The following CHD9 variants were observed in gnomAD, a reference collection of about 807,000 sequenced individuals.
The protein encoded by CHD9 is chromodomain helicase DNA binding protein 9.
A neutral mutation model predicts 316.1 loss-of-function variants in CHD9; 77 were observed. That is an observed-to-expected ratio of 0.24 (90% CI 0.20 to 0.29). The LOEUF is 0.29. Among genes scored for constraint, CHD9 ranks in the 10% least tolerant of loss-of-function variants. The pLI is 1.00. For missense variants in CHD9, 2,763 were observed against 3,438.1 expected (o/e 0.80, Z 4.91); for synonymous variants, 1,129 against 1,158.3 (o/e 0.97, Z 0.51).
intron 36 of CHD9, among the ~76,000 whole-genome samples, chr16:53,317,636 G>A (rs1450946693): frequency 6.6e-6 from 1 of 152,126 alleles, no homozygotes; most frequent in Non-Finnish European, 1.5e-5. Flanking sequence ...TGGGACTGTA[G>A]GCGTACACCA....
In CHD9 at chr16:53,242,991, T is replaced by C. The variant is rs1597604209; in HGVS notation, c.3029T>C (p.Leu1010Ser). 4.3e-6 allele frequency: 7 copies of C among 1,610,322 alleles called. No homozygotes were observed. Among genetic ancestry groups the C allele is most frequent in the Non-Finnish European group, 5.9e-6 (7 of 1,177,606 alleles). ...HRLKNKNCKLLEGLKLMNLEH... is the reference protein window; with the variant it reads ...HRLKNKNCKLSEGLKLMNLEH... ...TTAAAAAATAAAAATTGTAAACTCT[T>C]AGAGGGCCTGAAACTCATGAATCTG... The change falls in exon 13 of 39, where the codon TTA becomes TCA. Residue 1010 changes from leucine (L) to serine (S), a missense_variant. Coordinates refer to ENST00000447540, the MANE Select transcript of CHD9 (RefSeq NM_001308319.2).
chr16:53,068,095 G>T (rs1236289832), intron 1 of CHD9, among the ~76,000 whole-genome samples: 1 of 152,068 alleles, frequency 6.6e-6, no homozygotes, highest in Non-Finnish European at 1.5e-5. Flanking sequence ...TGTAGGCCTG[G>T]ATTCCTACCC....
At chr16:53,208,752 A>G (rs2046089207) in intron 2 of CHD9, 1 of 973,342 alleles carries the variant, frequency 1.0e-6, no homozygotes, top group Non-Finnish European at 1.2e-6. Context: ...ATGTGGATGA[A>G]TGCGTGTTTG....
intron 2 of CHD9, among the ~76,000 whole-genome samples, chr16:53,188,959 C>A (rs1398122616): frequency 2.0e-5 from 3 of 151,792 alleles, no homozygotes; most frequent in African/African-American, 7.3e-5. Context: ...ATTTTTGTTA[C>A]TGATTTGTAG....
intron 2 of CHD9, among the ~76,000 whole-genome samples, chr16:53,164,199 GCCTCT>G (rs2042113440): frequency 6.6e-6 from 1 of 152,172 alleles, no homozygotes; most frequent in East Asian, 1.9e-4. Context: ...CAAAGACCAT[GCCTCT>G]CATGTTTTCT....
chr16:53,148,047 TA>T (rs957667611), intron 1 of CHD9, among the ~76,000 whole-genome samples: 1 of 148,452 alleles, frequency 6.7e-6, no homozygotes, highest in Admixed American at 6.7e-5. Flanking sequence ...CTACTAAAAA[TA>T]AAAAAAAAAT....
rs1259836408 is a variant in CHD9 at position 53,263,012 on chromosome 16, G to A, written c.4235G>A (p.Arg1412Gln). The change falls in exon 20 of 39, where the codon CGG becomes CAG. Residue 1412 changes from arginine (R) to glutamine (Q), a missense_variant. Around this residue, in one of 15 missense-constraint regions of CHD9, gnomAD observed 199 missense variants for 251.7 expected, o/e 0.79. Coordinates refer to ENST00000447540, the MANE Select transcript of CHD9 (RefSeq NM_001308319.2). Reference protein sequence around the residue: ...AKASFVASGNRTDISLDDPNF... With the variant: ...AKASFVASGNQTDISLDDPNF... The stretch of plus-strand genomic sequence containing the variant: ...GCGAGTTTTGTGGCATCTGGAAACC[G>A]GACAGATATTTCTTTAGATGATCCC... 4.3e-6 allele frequency: 7 copies of A among 1,612,362 alleles called. No homozygotes were observed. Among genetic ancestry groups the A allele is most frequent in the Admixed American group, 1.7e-5 (1 of 59,886 alleles).
In CHD9 at chr16:53,164,741, C is replaced by T. The variant is rs186342825; in HGVS notation, c.1452+7200C>T. Among the ~76,000 whole-genome samples the T allele has an allele frequency of 4.9e-3, 751 of 151,992 alleles. 8 individuals are homozygous for T. The highest frequency in any genetic ancestry group is 5.9e-3 in the Non-Finnish European group (401 of 67,988). On this transcript the variant is annotated intron_variant, in intron 2 of 38. Transcript: ENST00000447540. ...CAATCTCAGCTCATTGCAACCTCCA[C>T]CTCCTGGGTTCGAGTGATTCTTGTG...
chr16:53,073,583 T>A (rs1249159466), intron 1 of CHD9, among the ~76,000 whole-genome samples: 1 of 152,216 alleles, frequency 6.6e-6, no homozygotes, highest in African/African-American at 2.4e-5. Context: ...ATTCCCATAA[T>A]TCCCACCTGT....
chr16:53,308,977 G>A, intron 34 of CHD9, 123 bp downstream of exon 34: 1 of 667,036 alleles, frequency 1.5e-6, no homozygotes, highest in South Asian at 2.6e-5. Flanking sequence ...AGCCTATAAA[G>A]TAATCAATAG....
chr16:53,120,700 T>TA (rs960473256), intron 1 of CHD9, among the ~76,000 whole-genome samples: 3 of 152,092 alleles, frequency 2.0e-5, no homozygotes, highest in Admixed American at 1.3e-4. Flanking sequence ...GTATAAGTCA[T>TA]ACATGCTTTC....
In CHD9 at chr16:53,098,847, A is replaced by G. The variant is rs769703495; in HGVS notation, c.-165+43770A>G. Among the ~76,000 whole-genome samples the G allele has an allele frequency of 6.6e-5, 10 of 152,198 alleles. No individual in the cohort carries two copies. In the South Asian group the frequency reaches 1.2e-3, roughly 19 times the overall value. ...TTTCCAAACTGGGGTGCATCATTAG[A>G]TAAATGCAGAAATCAAGAACCGTCG... is the stretch of plus-strand genomic sequence containing the variant. On this transcript the variant is annotated intron_variant, in intron 1 of 38. Transcript: ENST00000447540.
chr16:53,101,137 T>G (rs564894974), intron 1 of CHD9, among the ~76,000 whole-genome samples: 24 of 152,288 alleles, frequency 1.6e-4, no homozygotes, highest in African/African-American at 5.5e-4. Context: ...ACATAGCTTG[T>G]TTACACATTA....
chr16:53,214,515 T>C (rs2046585731), intron 3 of CHD9, among the ~76,000 whole-genome samples: 1 of 151,046 alleles, frequency 6.6e-6, no homozygotes, highest in South Asian at 2.1e-4. Context: ...ATACCATTAG[T>C]AGTCTCCCTG....
chr16:53,089,539 A>T (rs894250065), intron 1 of CHD9, among the ~76,000 whole-genome samples: 1 of 152,218 alleles, frequency 6.6e-6, no homozygotes, highest in Non-Finnish European at 1.5e-5. Context: ...ATTTTTACAG[A>T]TGAGGAAATC....
chr16:53,091,832 C>T (rs1267035448), intron 1 of CHD9, among the ~76,000 whole-genome samples: 1 of 152,076 alleles, frequency 6.6e-6, no homozygotes, highest in Non-Finnish European at 1.5e-5. Flanking sequence ...CCCTCCCTTC[C>T]TTCTCTCCTT....
intron 1 of CHD9, among the ~76,000 whole-genome samples, chr16:53,088,922 G>A (rs2035700218): frequency 6.6e-6 from 1 of 151,622 alleles, no homozygotes; most frequent in South Asian, 2.1e-4. Context: ...TACCAGCCTG[G>A]CCAATATGGT....
chr16:53,259,140 T>TA (rs896165106), intron 19 of CHD9, among the ~76,000 whole-genome samples: 3 of 152,226 alleles, frequency 2.0e-5, no homozygotes, highest in Non-Finnish European at 4.4e-5. Flanking sequence ...CTTATTTCTA[T>TA]AGGCATAATT....
intron 1 of CHD9, among the ~76,000 whole-genome samples, chr16:53,076,848 T>A (rs1212342476): frequency 1.3e-5 from 2 of 152,104 alleles, no homozygotes; most frequent in African/African-American, 4.8e-5. Flanking sequence ...ATTTATTTAT[T>A]TATTTTTACA....
Sources: gnomAD v4.1 joint callset for allele counts (sites outside exome capture counted in the v4.1 genomes callset) on GRCh38, gnomAD v4.1.1 for gene constraint, gnomAD v4.1.1 regional missense constraint, MANE v1.5 for transcripts, NCBI Gene and HGNC (gene_info 2026-07-23, HGNC 2026-07-21) for gene names.